GRK5: variants seen among roughly 807,000 people sequenced by gnomAD.
The protein encoded by GRK5 is g protein-coupled receptor kinase GRK5.
A neutral mutation model predicts 78.4 loss-of-function variants in GRK5; 40 were observed. The ratio of observed to expected loss-of-function variants is 0.51; its 90% CI spans 0.40 to 0.66. The LOEUF (loss-of-function observed/expected upper bound fraction) is 0.66, where lower values mean the gene tolerates loss of function less well. GRK5 is among the 30% of genes least tolerant of loss of function. The pLI is 0.00. For synonymous variants in GRK5, 289 were observed against 296.8 expected, an observed-to-expected ratio of 0.97 and a Z score of 0.27; for missense variants, 598 against 759.9, an observed-to-expected ratio of 0.79 and a Z score of 2.50.
At chr10:119,400,753 G>C (rs1004945722) in intron 4 of GRK5, among the ~76,000 whole-genome samples, 2 of 152,226 alleles carry the variant, frequency 1.3e-5, no homozygotes, top group Admixed American at 1.3e-4. Flanking sequence ...GAGGAATAAG[G>C]GGGATGAGGA....
intron 1 of GRK5, among the ~76,000 whole-genome samples, chr10:119,295,504 AGATAGTT>A (rs1191766698): frequency 6.6e-5 from 10 of 152,202 alleles, no homozygotes; most frequent in Non-Finnish European, 1.5e-4. Context: ...TATATGGAAA[AGATAGTT>A]GCACACGCAT....
At chr10:119,359,643 C>T (rs1335869479) in intron 2 of GRK5, among the ~76,000 whole-genome samples, 2 of 152,330 alleles carry the variant, frequency 1.3e-5, no homozygotes, top group South Asian at 2.1e-4. Flanking sequence ...TTAAGATGAA[C>T]TAAGTTGGGA....
chr10:119,425,207 C>T (rs1358292572), intron 6 of GRK5, 122 bp downstream of exon 6: 17 of 675,600 alleles, frequency 2.5e-5, no homozygotes, highest in Non-Finnish European at 4.0e-5. Context: ...TAACCCGACT[C>T]CCCCTGTTAA....
At chr10:119,411,030 T>C (rs1852328181) in intron 4 of GRK5, among the ~76,000 whole-genome samples, 2 of 151,698 alleles carry the variant, frequency 1.3e-5, no homozygotes, top group Admixed American at 6.6e-5. Context: ...GGGCACAGAA[T>C]GGGCACTCAG....
At chr10:119,393,592 C>T (rs1192074376) in intron 3 of GRK5, among the ~76,000 whole-genome samples, 1 of 152,320 alleles carries the variant, frequency 6.6e-6, no homozygotes, top group East Asian at 1.9e-4. Flanking sequence ...TAGCTACATT[C>T]CCACGGTGCC....
intron 5 of GRK5, 57 bp from the exon 6 acceptor site, chr10:119,424,936 C>G (rs140500671): frequency 4.1e-6 from 5 of 1,229,104 alleles, no homozygotes; most frequent in Admixed American, 1.7e-5. Context: ...CAGCTTTGCC[C>G]CCCTGCTTGA....
chr10:119,377,075 G>A (rs947248482), intron 2 of GRK5, among the ~76,000 whole-genome samples: 6 of 152,152 alleles, frequency 3.9e-5, no homozygotes, highest in African/African-American at 1.4e-4. Context: ...GATAGATTTG[G>A]AGACAGAGAG....
chr10:119,390,585 C>T lies in GRK5; in HGVS notation c.262-6110C>T, dbSNP rs1851873863. Among the ~76,000 whole-genome samples the T allele has an allele frequency of 2.0e-5, 3 of 152,290 alleles. No individual in the cohort carries two copies. The South Asian group carries it at 6.2e-4, about 32-fold the overall frequency. ...TGGCGTGCGCCTGTAGTCCCAGCTA[C>T]TTGGGAGGCTGAGACAGGAGAATCA... On this transcript the variant is annotated intron_variant, in intron 3 of 15. Transcript: ENST00000392870.
At chr10:119,306,064 G>A (rs1198878299) in intron 1 of GRK5, among the ~76,000 whole-genome samples, 1 of 152,124 alleles carries the variant, frequency 6.6e-6, no homozygotes, top group African/African-American at 2.4e-5. Flanking sequence ...TCAGCTGGAG[G>A]ACTGTGTGAT....
chr10:119,265,098 A>G (rs557576895), intron 1 of GRK5, among the ~76,000 whole-genome samples: 3 of 152,286 alleles, frequency 2.0e-5, no homozygotes, highest in Admixed American at 1.3e-4. Context: ...TCCCACATGA[A>G]TCAAGTTCAT....
chr10:119,443,694 A>G lies in GRK5; in HGVS notation c.1208A>G (p.Glu403Gly). 1.2e-6 allele frequency: 2 copies of G among 1,613,230 alleles called. No individual in the cohort carries two copies. The highest frequency in any genetic ancestry group is 1.7e-6 in the Non-Finnish European group (2 of 1,179,582). Residue 403 changes from glutamate (E) to glycine (G), a missense_variant, in exon 12 of 16, where the codon GAG becomes GGG. By Grantham distance (98) the Glu-to-Gly change is moderately conservative. Transcript: ENST00000392870. ...KREEVDRRVL[E>G]TEEVYSHKFS... ...GAGGAGGTGGACCGCCGGGTCCTGG[A>G]GACGGAGGAGGTGTACTCCCACAAG...
intron 1 of GRK5, among the ~76,000 whole-genome samples, chr10:119,305,358 C>A (rs932439994): frequency 1.3e-5 from 2 of 152,198 alleles, no homozygotes; most frequent in Non-Finnish European, 2.9e-5. Flanking sequence ...CCTCTGCTCA[C>A]TCACTTATTC....
chr10:119,232,313 T>C (rs537147947), intron 1 of GRK5, among the ~76,000 whole-genome samples: 1 of 152,214 alleles, frequency 6.6e-6, no homozygotes, highest in African/African-American at 2.4e-5. Context: ...GAACAGATAA[T>C]ACTAGAGGCT....
chr10:119,343,047 G>T (rs769584764), intron 2 of GRK5, among the ~76,000 whole-genome samples: 16 of 152,190 alleles, frequency 1.1e-4, no homozygotes, highest in Non-Finnish European at 2.2e-4. Flanking sequence ...CCAGTGTGGG[G>T]CTGGGGGAGG....
At chr10:119,265,912 C>T (rs1389154602) in intron 1 of GRK5, among the ~76,000 whole-genome samples, 1 of 152,164 alleles carries the variant, frequency 6.6e-6, no homozygotes, top group Non-Finnish European at 1.5e-5. Flanking sequence ...GAAGTCCGGG[C>T]CCTGGGATCT....
chr10:119,345,122 C>G (rs1164108709), intron 2 of GRK5, among the ~76,000 whole-genome samples: 1 of 152,086 alleles, frequency 6.6e-6, no homozygotes, highest in African/African-American at 2.4e-5. Context: ...GCGCCCACAA[C>G]CACGCCTGGC....
intron 1 of GRK5, among the ~76,000 whole-genome samples, chr10:119,212,016 C>T (rs987399323): frequency 1.3e-5 from 2 of 152,210 alleles, no homozygotes; most frequent in African/African-American, 2.4e-5. Context: ...TGGAGGCATA[C>T]GTACTCCACC....
intron 6 of GRK5, among the ~76,000 whole-genome samples, chr10:119,429,379 A>G (rs1295821226): frequency 6.6e-6 from 1 of 151,560 alleles, no homozygotes; most frequent in Non-Finnish European, 1.5e-5. Context: ...GCTCGATCCA[A>G]CCCCTGCCCT....
At chr10:119,323,132 C>T (rs564730947) in intron 1 of GRK5, among the ~76,000 whole-genome samples, 41 of 152,046 alleles carry the variant, frequency 2.7e-4, no homozygotes, top group African/African-American at 8.0e-4. Context: ...GAGAGGTTGC[C>T]GGGAGCTAGG....
Sources: allele counts gnomAD v4.1 joint callset (sites outside exome capture counted in the v4.1 genomes callset), GRCh38; gene constraint gnomAD v4.1.1; transcripts MANE v1.5; gene names NCBI Gene and HGNC (gene_info 2026-07-23, HGNC 2026-07-21).